PTPRK: variants seen among roughly 807,000 people sequenced by gnomAD.
PTPRK encodes the protein protein tyrosine phosphatase receptor type K.
Under a neutral mutation model 178.0 loss-of-function variants are expected in PTPRK, and 75 were observed. The observed-to-expected ratio is 0.42, with a 90% confidence interval of 0.35 to 0.51. The LOEUF is 0.51. PTPRK is among the 20% of genes least tolerant of loss of function. PTPRK has a pLI of 0.02. For missense variants in PTPRK, 1,441 were observed against 1,797.8 expected (o/e 0.80, Z 3.59); for synonymous variants, 637 against 620.6 (o/e 1.03, Z -0.39).
rs557643763 is a variant in PTPRK, at chr6:128,103,354, C to A, written c.1163-13362G>T. Among the ~76,000 whole-genome samples, 3 of 152,234 alleles carry A rather than the reference C, an allele frequency of 2.0e-5. No homozygotes were observed. In the East Asian group the frequency reaches 5.8e-4, roughly 30 times the overall value. On this transcript the variant is annotated intron_variant, in intron 7 of 29. Coordinates refer to ENST00000368226, the MANE Select transcript of PTPRK (RefSeq NM_002844.4). ...GACCTGATTCTTCCTGGACACCAGA[C>A]AAAGACCCGGGTACCAAGAAGGCAC... is the stretch of plus-strand genomic sequence containing the variant.
chr6:128,300,695 G>A (rs982061180), intron 3 of PTPRK, among the ~76,000 whole-genome samples: 1 of 139,404 alleles, frequency 7.2e-6, no homozygotes, highest in Admixed American at 7.5e-5. Context: ...GAACATCACA[G>A]TATGGGGACT....
chr6:128,140,235 C>T (rs1392871950), intron 7 of PTPRK, among the ~76,000 whole-genome samples: 3 of 151,992 alleles, frequency 2.0e-5, no homozygotes, highest in Non-Finnish European at 2.9e-5. Flanking sequence ...TAAGGCATTA[C>T]TTACAGTCAG....
chr6:128,455,849 T>C (rs1366549497), intron 1 of PTPRK, among the ~76,000 whole-genome samples: 1 of 152,076 alleles, frequency 6.6e-6, no homozygotes. Flanking sequence ...GGTACCTGGA[T>C]AGAAAAAATG....
intron 21 of PTPRK, among the ~76,000 whole-genome samples, chr6:127,986,966 A>G (rs949373639): frequency 2.6e-5 from 4 of 152,290 alleles, no homozygotes; most frequent in African/African-American, 7.2e-5. Context: ...AATGATAAGC[A>G]TCACCATGGA....
chr6:127,971,854 T>C (rs925376330), intron 29 of PTPRK, among the ~76,000 whole-genome samples: 2 of 152,080 alleles, frequency 1.3e-5, no homozygotes, highest in African/African-American at 4.8e-5. Flanking sequence ...CATCAAGAAA[T>C]CTTCAAATCG....
chr6:128,171,952 C>T (rs892960357), intron 7 of PTPRK, among the ~76,000 whole-genome samples: 3 of 151,896 alleles, frequency 2.0e-5, no homozygotes, highest in East Asian at 3.9e-4. Context: ...GCACTTCTAA[C>T]TCGTCTTCTT....
intron 15 of PTPRK, 63 bp from the exon 16 acceptor site, chr6:127,998,967 A>G: frequency 8.2e-6 from 11 of 1,343,526 alleles, no homozygotes; most frequent in Middle Eastern, 1.9e-4. Context: ...TAATATATGT[A>G]TCTATGCAAT....
At chr6:128,359,068 GA>G (rs1834349801) in intron 2 of PTPRK, among the ~76,000 whole-genome samples, 1 of 152,312 alleles carries the variant, frequency 6.6e-6, no homozygotes, top group African/African-American at 2.4e-5. Context: ...CTTTCACTAA[GA>G]TACAGACTCC....
At chr6:128,196,376 C>A (rs1467057626) in intron 6 of PTPRK, among the ~76,000 whole-genome samples, 2 of 151,866 alleles carry the variant, frequency 1.3e-5, no homozygotes, top group Non-Finnish European at 2.9e-5. Flanking sequence ...AATTATAGAC[C>A]CATCTGATAA....
chr6:128,100,864 C>T (rs192007140), intron 7 of PTPRK, among the ~76,000 whole-genome samples: 1 of 152,038 alleles, frequency 6.6e-6, no homozygotes, highest in East Asian at 1.9e-4. Flanking sequence ...AAAATAAAAT[C>T]TCCTTAAATT....
intron 21 of PTPRK, among the ~76,000 whole-genome samples, chr6:127,986,687 A>C (rs1368856523): frequency 2.6e-5 from 4 of 152,180 alleles, no homozygotes; most frequent in African/African-American, 9.7e-5. Context: ...AAGGAAAAAA[A>C]ATCCCACTAT....
intron 2 of PTPRK, among the ~76,000 whole-genome samples, chr6:128,388,737 A>G (rs1839129444): frequency 6.6e-6 from 1 of 152,222 alleles, no homozygotes; most frequent in Admixed American, 6.5e-5. Flanking sequence ...AGAATGATGT[A>G]AATACATATT....
chr6:128,512,109 G>A (rs1857277207), intron 1 of PTPRK, among the ~76,000 whole-genome samples: 1 of 152,158 alleles, frequency 6.6e-6, no homozygotes, highest in African/African-American at 2.4e-5. Flanking sequence ...TGAAGTTCTT[G>A]AAGATATACG....
intron 7 of PTPRK, among the ~76,000 whole-genome samples, chr6:128,135,823 CAAAAAATAAA>C (rs1224841684): frequency 5.6e-4 from 82 of 146,178 alleles, no homozygotes; most frequent in East Asian, 2.0e-4. Context: ...ATCAAGTACT[CAAAAAATAAA>C]AAAAAATAAA....
intron 1 of PTPRK, among the ~76,000 whole-genome samples, chr6:128,432,570 T>C (rs1188663370): frequency 6.6e-6 from 1 of 152,230 alleles, no homozygotes; most frequent in South Asian, 2.1e-4. Flanking sequence ...AAAATATGCC[T>C]ATGTCCCTGT....
At chr6:128,278,983 C>A (rs1228800036) in intron 3 of PTPRK, among the ~76,000 whole-genome samples, 1 of 152,034 alleles carries the variant, frequency 6.6e-6, no homozygotes, top group African/African-American at 2.4e-5. Context: ...GGGTCCTGAG[C>A]AAAGAGGCCA....
chr6:127,981,080 C>T (rs746852277), intron 25 of PTPRK, 36 bp downstream of exon 25: 1 of 1,580,858 alleles, frequency 6.3e-7, no homozygotes, highest in South Asian at 1.1e-5. Context: ...TAGCTTTCCA[C>T]AACACTCTAC....
At chr6:128,338,547 T>C (rs571386987) in intron 2 of PTPRK, among the ~76,000 whole-genome samples, 3 of 152,242 alleles carry the variant, frequency 2.0e-5, no homozygotes, top group Admixed American at 1.3e-4. Flanking sequence ...TTAAAGAACA[T>C]TAGGAAGCCC....
intron 13 of PTPRK, among the ~76,000 whole-genome samples, chr6:128,037,029 G>A (rs999450940): frequency 4.6e-5 from 7 of 152,044 alleles, no homozygotes; most frequent in East Asian, 3.9e-4. Flanking sequence ...GCCGCTCCCC[G>A]CCCTCCCTAA....
Sources: gnomAD v4.1 joint callset for allele counts (sites outside exome capture counted in the v4.1 genomes callset) on GRCh38, gnomAD v4.1.1 for gene constraint, MANE v1.5 for transcripts, NCBI Gene and HGNC (gene_info 2026-07-23, HGNC 2026-07-21) for gene names.